OSBPL10: variants seen among roughly 807,000 people sequenced by gnomAD.
OSBPL10 encodes the protein oxysterol binding protein like 10, also known as oxysterol-binding protein-related protein 10.
Under a neutral mutation model 81.7 loss-of-function variants are expected in OSBPL10, and 49 were observed. That is an observed-to-expected ratio of 0.60 (90% CI 0.48 to 0.76). The LOEUF (loss-of-function observed/expected upper bound fraction) is 0.76, where lower values mean the gene tolerates loss of function less well. Among genes scored for constraint, OSBPL10 ranks in the 30% least tolerant of loss-of-function variants. The pLI is 0.00. For synonymous variants in OSBPL10, 419 were observed against 383.6 expected (o/e 1.09, Z -1.08); for missense variants, 923 against 987.8 (o/e 0.93, Z 0.88).
intron 1 of OSBPL10, among the ~76,000 whole-genome samples, chr3:31,980,307 C>A (rs1240365799): frequency 2.0e-5 from 3 of 152,162 alleles, no homozygotes; most frequent in Admixed American, 6.5e-5. Flanking sequence ...CGGCCTCTTT[C>A]TGTTTTTAAA....
intron 3 of OSBPL10, among the ~76,000 whole-genome samples, chr3:31,870,016 G>C (rs1397090145): frequency 1.3e-5 from 2 of 152,248 alleles, no homozygotes; most frequent in Non-Finnish European, 2.9e-5. Flanking sequence ...CTCCCACTTT[G>C]GTGGCACTTG....
chr3:32,027,884 G>A (rs1699431436), intron 2 of OSBPL10, among the ~76,000 whole-genome samples: 1 of 152,218 alleles, frequency 6.6e-6, no homozygotes, highest in South Asian at 2.1e-4. Flanking sequence ...CTCAAAGCAA[G>A]AGAAGACCTT....
intron 4 of OSBPL10, among the ~76,000 whole-genome samples, chr3:31,798,170 C>T (rs953444236): frequency 6.6e-6 from 1 of 152,128 alleles, no homozygotes; most frequent in African/African-American, 2.4e-5. Flanking sequence ...GTGGCTCACA[C>T]CTGTAATCCC....
chr3:31,732,801 T>C (rs1697020008), intron 6 of OSBPL10: 1 of 199,664 alleles, frequency 5.0e-6, no homozygotes, highest in Non-Finnish European at 1.0e-5. Context: ...CCAAGAGGAG[T>C]GTTGGCCATG....
rs3805073 is a variant in OSBPL10 at position 31,705,376 on chromosome 3, C to T, written c.1096-2868G>A. Among the ~76,000 whole-genome samples, 172 of 133,584 alleles carry T rather than the reference C, an allele frequency of 1.3e-3. 7 individuals are homozygous for T. In the East Asian group the frequency reaches 0.036, roughly 28 times the overall value. The allele number at this position is 133,584 out of a possible 152,430, so 87.6% of individuals were successfully genotyped here. On this transcript the variant is annotated intron_variant, in intron 6 of 11. Coordinates refer to ENST00000396556, the MANE Select transcript of OSBPL10 (RefSeq NM_017784.5). ...GTCCATCTGCACAAAGAGAAGACCCCCCCCCCCACCCCCATCGCGGTCCAA... is the reference window on the plus strand; with the variant it reads ...GTCCATCTGCACAAAGAGAAGACCCTCCCCCCCACCCCCATCGCGGTCCAA...
intron 4 of OSBPL10, among the ~76,000 whole-genome samples, chr3:31,789,049 G>A (rs995956029): frequency 1.6e-4 from 25 of 151,824 alleles, no homozygotes; most frequent in Non-Finnish European, 3.4e-4. Context: ...CGCGATCTTG[G>A]CTCACTGCAA....
intron 2 of OSBPL10, among the ~76,000 whole-genome samples, chr3:32,007,640 A>G (rs6775415): frequency 0.081 from 12,339 of 152,062 alleles, 1,335 homozygotes; most frequent in African/African-American, 0.25. Context: ...TACGGACACT[A>G]ATGATTGCAT....
intron 3 of OSBPL10, among the ~76,000 whole-genome samples, chr3:31,866,880 A>T (rs1041747014): frequency 1.3e-5 from 2 of 152,184 alleles, no homozygotes; most frequent in Non-Finnish European, 2.9e-5. Flanking sequence ...AGCTTCCAGC[A>T]TGAACATTAA....
chr3:31,733,225 C>G (rs759761993), intron 6 of OSBPL10, 32 bp downstream of exon 6: 27 of 1,604,502 alleles, frequency 1.7e-5, no homozygotes, highest in Non-Finnish European at 2.3e-5. Context: ...ATAACACAAG[C>G]CATGAATGCA....
At chr3:31,737,643 C>G (rs550247122) in intron 5 of OSBPL10, among the ~76,000 whole-genome samples, 1 of 152,076 alleles carries the variant, frequency 6.6e-6, no homozygotes, top group Non-Finnish European at 1.5e-5. Flanking sequence ...TGAGATAAGG[C>G]GGCTCTACCA....
intron 1 of OSBPL10, among the ~76,000 whole-genome samples, chr3:32,052,881 G>C (rs1699680072): frequency 6.6e-6 from 1 of 152,160 alleles, no homozygotes; most frequent in Non-Finnish European, 1.5e-5. Context: ...ATGATGGGTT[G>C]ATAGGTGCAG....
At chr3:31,859,207 T>C (rs889353670) in intron 3 of OSBPL10, among the ~76,000 whole-genome samples, 1 of 152,112 alleles carries the variant, frequency 6.6e-6, no homozygotes. Context: ...CTACATTGTC[T>C]ATCACACCAG....
intron 1 of OSBPL10, among the ~76,000 whole-genome samples, chr3:31,934,309 A>T (rs940341497): frequency 1.3e-5 from 2 of 152,188 alleles, no homozygotes; most frequent in Non-Finnish European, 2.9e-5. Flanking sequence ...AACAACAAAA[A>T]AAAAGGAAGC....
chr3:32,067,399 G>T (rs971585690), intron 1 of OSBPL10, among the ~76,000 whole-genome samples: 6 of 152,116 alleles, frequency 3.9e-5, no homozygotes, highest in African/African-American at 1.4e-4. Context: ...TGTCTTTTCA[G>T]TTGGTTGAGT....
intron 3 of OSBPL10, among the ~76,000 whole-genome samples, chr3:31,844,157 T>C (rs990111308): frequency 2.6e-5 from 4 of 152,238 alleles, no homozygotes; most frequent in Admixed American, 2.6e-4. Context: ...GACCCATGTA[T>C]TATCTTTGGG....
Position 31,702,359 on chromosome 3 carries a change from C to T in OSBPL10, c.1245G>A (p.Lys415=). Residue 415 remains lysine, a splice_region_variant and synonymous_variant, in exon 7 of 12, where the codon AAG becomes AAA. Transcript: ENST00000396556. ...SQLKLGMDLT[K]VVLPTFILEK... ...AAATCCAGGGGACATGCCAACCTAC[C>T]TTGGTCAAATCCATTCCAAGTTTGA... 6.2e-7 allele frequency: 1 copy of T among 1,614,064 alleles called. No individual in the cohort carries two copies. Among genetic ancestry groups the T allele is most frequent in the Non-Finnish European group, 8.5e-7 (1 of 1,179,930 alleles).
At chr3:31,878,648 A>G (rs1468930099) in intron 2 of OSBPL10, among the ~76,000 whole-genome samples, 2 of 152,160 alleles carry the variant, frequency 1.3e-5, no homozygotes, top group Non-Finnish European at 2.9e-5. Flanking sequence ...TGCAGAGGCA[A>G]CTGATCATGG....
intron 1 of OSBPL10, among the ~76,000 whole-genome samples, chr3:31,899,405 AAAG>A (rs1231308410): frequency 5.5e-4 from 84 of 152,338 alleles, no homozygotes; most frequent in African/African-American, 1.8e-3. Context: ...GGTGGGGTGG[AAAG>A]AAGAAACATA....
chr3:31,937,681 T>C (rs1697416446), intron 1 of OSBPL10, among the ~76,000 whole-genome samples: 1 of 129,674 alleles, frequency 7.7e-6, no homozygotes, highest in African/African-American at 3.1e-5. Flanking sequence ...ACCTTTGTAC[T>C]GAACCTCTTG....
Sources: gnomAD v4.1 joint callset for allele counts (sites outside exome capture counted in the v4.1 genomes callset) on GRCh38, gnomAD v4.1.1 for gene constraint, MANE v1.5 for transcripts, NCBI Gene and HGNC (gene_info 2026-07-23, HGNC 2026-07-21) for gene names.